Variants in NCMAP observed in about 807,000 individuals in gnomAD.
NCMAP encodes noncompact myelin-associated protein.
NCMAP carries 8 observed loss-of-function variants against 7.8 expected under a neutral mutation model. The ratio of observed to expected loss-of-function variants is 1.02; its 90% CI spans 0.60 to 1.84. The LOEUF is 1.84. NCMAP is among the 40% of genes most tolerant of loss of function. NCMAP has a pLI of 0.00. For missense variants in NCMAP, 112 were observed against 131.4 expected, an observed-to-expected ratio of 0.85 and a Z score of 0.72; for synonymous variants, 41 against 52.9, an observed-to-expected ratio of 0.78 and a Z score of 0.98.
intron 2 of NCMAP, among the ~76,000 whole-genome samples, chr1:24,597,615 A>G (rs28396655): frequency 0.018 from 1,207 of 68,808 alleles, 20 homozygotes; most frequent in South Asian, 0.021. Context: ...GAAAGAAAGA[A>G]AGAGAAAGAA....
chr1:24,589,410 C>T (rs71652330), intron 1 of NCMAP: 2 of 152,476 alleles, frequency 1.3e-5, no homozygotes, highest in Non-Finnish European at 2.9e-5. Context: ...CTCCCACCTT[C>T]TCTGATGCAG....
intron 1 of NCMAP, among the ~76,000 whole-genome samples, chr1:24,560,806 C>T (rs554032834): frequency 5.8e-4 from 88 of 151,980 alleles, no homozygotes; most frequent in Non-Finnish European, 9.4e-4. Context: ...ATCCCATGAC[C>T]CTCATGGGGG....
At chr1:24,582,470 A>G (rs955361709) in intron 1 of NCMAP, among the ~76,000 whole-genome samples, 1 of 152,118 alleles carries the variant, frequency 6.6e-6, no homozygotes, top group Non-Finnish European at 1.5e-5. Context: ...ATGTCATCGT[A>G]AGGTTCTTTA....
At chr1:24,584,987 G>C (rs2148932260) in intron 1 of NCMAP, among the ~76,000 whole-genome samples, 1 of 140,842 alleles carries the variant, frequency 7.1e-6, no homozygotes, top group East Asian at 2.1e-4. Context: ...GTGGGTGGGT[G>C]GGGGCATGAG....
intron 1 of NCMAP, among the ~76,000 whole-genome samples, chr1:24,590,323 G>T (rs983576874): frequency 1.3e-5 from 2 of 152,162 alleles, no homozygotes; most frequent in South Asian, 4.1e-4. Context: ...GCCAATGATT[G>T]TTCCATGTCT....
Position 24,591,690 on chromosome 1 carries a change from G to A in NCMAP, c.-7-3734G>A, listed in dbSNP as rs562904717. Among the ~76,000 whole-genome samples, 213 of 152,338 alleles carry A rather than the reference G, an allele frequency of 1.4e-3. 1 individual carries two copies. The highest frequency in any genetic ancestry group is 2.6e-3 in the Non-Finnish European group (179 of 68,016). ...CAGGGAGACAGAGTGGCAGGAGTGG[G>A]GAGGTCAGGCAGAGCCACACGGGGT... On this transcript the variant is annotated intron_variant, in intron 1 of 3. Coordinates refer to ENST00000374392, the MANE Select transcript of NCMAP (RefSeq NM_001010980.5).
intron 2 of NCMAP, among the ~76,000 whole-genome samples, chr1:24,597,126 G>A (rs1051791363): frequency 1.3e-5 from 2 of 152,178 alleles, no homozygotes; most frequent in Admixed American, 1.3e-4. Flanking sequence ...GAGGAGGTGT[G>A]TCTCCAAACA....
At chr1:24,601,945 G>C (rs1361125693) in intron 3 of NCMAP, among the ~76,000 whole-genome samples, 1 of 152,030 alleles carries the variant, frequency 6.6e-6, no homozygotes, top group African/African-American at 2.4e-5. Flanking sequence ...GGAGGCTGAG[G>C]CAGGAGAATG....
chr1:24,597,327 C>T (rs1323964714), intron 2 of NCMAP, among the ~76,000 whole-genome samples: 1 of 151,412 alleles, frequency 6.6e-6, no homozygotes, highest in Non-Finnish European at 1.5e-5. Flanking sequence ...ATGGTAAAAT[C>T]CCATCTCTAC....
chr1:24,603,164 A>G (rs1652567174), intron 3 of NCMAP, among the ~76,000 whole-genome samples: 1 of 152,316 alleles, frequency 6.6e-6, no homozygotes, highest in Middle Eastern at 3.4e-3. Flanking sequence ...AATGCATTTA[A>G]TCCTCATCTA....
In NCMAP at chr1:24,606,898, G is replaced by A. The variant is rs1652781266; in HGVS notation, c.*1151G>A. ...CTGCCTCATTGGGGCACTATAACAA[G>A]TGAAGGACTTAGGAAAACATCTGGA... On this transcript the variant is annotated 3_prime_UTR_variant, in exon 4 of 4. Coordinates refer to ENST00000374392, the MANE Select transcript of NCMAP (RefSeq NM_001010980.5). 1 of 152,158 alleles carries A rather than the reference G, an allele frequency of 6.6e-6. No homozygotes were observed. The highest frequency in any genetic ancestry group is 6.5e-5 in the Admixed American group (1 of 15,276). 9.4% of individuals were successfully genotyped at this position (152,158 alleles called of 1,614,324 possible).
intron 2 of NCMAP, among the ~76,000 whole-genome samples, chr1:24,596,347 A>T (rs774465796): frequency 9.9e-5 from 15 of 152,138 alleles, no homozygotes; most frequent in African/African-American, 3.4e-4. Flanking sequence ...AAAGCACTGA[A>T]ATTTGAATCT....
chr1:24,599,063 T>C (rs1436399396), intron 2 of NCMAP, among the ~76,000 whole-genome samples: 2 of 150,666 alleles, frequency 1.3e-5, no homozygotes, highest in African/African-American at 4.9e-5. Context: ...GCAGATCACT[T>C]GAGGTCAGCA....
At chr1:24,596,122 A>T (rs1652216831) in intron 2 of NCMAP, among the ~76,000 whole-genome samples, 2 of 152,082 alleles carry the variant, frequency 1.3e-5, no homozygotes, top group Non-Finnish European at 2.9e-5. Flanking sequence ...TCTCTACTAA[A>T]AATACAAAGA....
At chr1:24,577,571 G>A (rs1041757363) in intron 1 of NCMAP, among the ~76,000 whole-genome samples, 30 of 151,904 alleles carry the variant, frequency 2.0e-4, no homozygotes, top group Admixed American at 3.9e-4. Flanking sequence ...CACCATGCCC[G>A]GCCTGGCCTT....
At chr1:24,567,207 C>A (rs1050781556) in intron 1 of NCMAP, among the ~76,000 whole-genome samples, 1 of 152,168 alleles carries the variant, frequency 6.6e-6, no homozygotes, top group African/African-American at 2.4e-5. Flanking sequence ...GCCTTCTAAA[C>A]AGCAGGCCTT....
intron 1 of NCMAP, among the ~76,000 whole-genome samples, chr1:24,570,597 C>G (rs1651360439): frequency 6.6e-6 from 1 of 151,040 alleles, no homozygotes; most frequent in Admixed American, 6.5e-5. Context: ...AGATCCAGGT[C>G]AGTCTGACCC....
chr1:24,600,278 G>A (rs529975974), intron 2 of NCMAP, among the ~76,000 whole-genome samples: 159 of 151,936 alleles, frequency 1.0e-3, no homozygotes, highest in African/African-American at 3.4e-3. Context: ...AGCCTCCCAA[G>A]TAGCTGGCAC....
chr1:24,596,608 C>A (rs1652238445), intron 2 of NCMAP, among the ~76,000 whole-genome samples: 1 of 152,066 alleles, frequency 6.6e-6, no homozygotes, highest in Admixed American at 6.6e-5. Context: ...ATCGCTTGAG[C>A]CTGGGAGGTC....
Sources: gnomAD v4.1 joint callset for allele counts (sites outside exome capture counted in the v4.1 genomes callset) on GRCh38, gnomAD v4.1.1 for gene constraint, MANE v1.5 for transcripts, NCBI Gene and HGNC (gene_info 2026-07-23, HGNC 2026-07-21) for gene names.